The following SLC24A1 variants were observed in gnomAD, a reference collection of about 807,000 sequenced individuals.
SLC24A1 encodes sodium/potassium/calcium exchanger 1.
SLC24A1 carries 52 observed loss-of-function variants against 88.1 expected under a neutral mutation model. The ratio of observed to expected loss-of-function variants is 0.59; its 90% CI spans 0.47 to 0.74. The LOEUF (loss-of-function observed/expected upper bound fraction) is 0.74. Among genes scored for constraint, SLC24A1 ranks in the 30% least tolerant of loss-of-function variants. The pLI is 0.00. For missense variants in SLC24A1, 1,173 were observed against 1,363.3 expected (o/e 0.86, Z 2.20); for synonymous variants, 455 against 498.0 (o/e 0.91, Z 1.15).
chr15:65,630,682 A>T (rs1017200879), intron 2 of SLC24A1, among the ~76,000 whole-genome samples: 2 of 152,156 alleles, frequency 1.3e-5, no homozygotes, highest in African/African-American at 2.4e-5. Flanking sequence ...AATTTTCTTA[A>T]TCTTTTGGCC....
chr15:65,611,362 C>T (rs1020701406), upstream of SLC24A1: 38 of 611,186 alleles, frequency 6.2e-5, no homozygotes, highest in South Asian at 6.8e-4. Context: ...AAATCCCCAA[C>T]TTCTCTCGAG....
chr15:65,633,739 G>A (rs1284050576), intron 2 of SLC24A1, among the ~76,000 whole-genome samples: 5 of 152,132 alleles, frequency 3.3e-5, no homozygotes, highest in African/African-American at 1.2e-4. Flanking sequence ...TTACATATAT[G>A]GCTTGCATTA....
At chr15:65,635,476 A>T (rs938510740) in intron 2 of SLC24A1, among the ~76,000 whole-genome samples, 1 of 148,706 alleles carries the variant, frequency 6.7e-6, no homozygotes, top group African/African-American at 2.5e-5. Flanking sequence ...AAAAAGAAAA[A>T]AAAAGAAAGA....
intron 6 of SLC24A1, among the ~76,000 whole-genome samples, chr15:65,646,551 G>A (rs907004660): frequency 2.9e-5 from 4 of 139,146 alleles, no homozygotes; most frequent in African/African-American, 1.1e-4. Context: ...CTCCAAATCT[G>A]AATGCCCCTG....
At chr15:65,619,275 C>T (rs139613486), upstream of SLC24A1, among the ~76,000 whole-genome samples, 5 of 152,266 alleles carry the variant, frequency 3.3e-5, no homozygotes, top group East Asian at 9.6e-4. Flanking sequence ...CTTAGGCTTG[C>T]TCCTCATCAG....
intron 4 of SLC24A1, among the ~76,000 whole-genome samples, chr15:65,640,690 A>C (rs764378918): frequency 6.6e-6 from 1 of 152,130 alleles, no homozygotes; most frequent in African/African-American, 2.4e-5. Flanking sequence ...CTCAAGGACA[A>C]ATTTTCGGGG....
intron 2 of SLC24A1, among the ~76,000 whole-genome samples, chr15:65,627,453 A>G (rs1380011482): frequency 6.6e-6 from 1 of 152,248 alleles, no homozygotes; most frequent in Non-Finnish European, 1.5e-5. Context: ...AGGGTCATAT[A>G]GCCAGCAGGT....
In SLC24A1 at chr15:65,650,439, G is replaced by T; in HGVS notation, c.2290G>T (p.Ala764Ser). The part of the protein sequence containing the change: ...GEMPGEEGET[A>S]GEGETEEKSG... ...AATGCCAGGCGAAGAGGGCGAAACT[G>T]CTGGTGAAGGTGAAACTGAAGAGAA... Residue 764 changes from alanine to serine, a missense_variant, in exon 7 of 10, where the codon GCT becomes TCT. Transcript: ENST00000261892. The surrounding 1 kb of genome is among the most constrained non-coding windows in gnomAD (Gnocchi z 4.1). The T allele has an allele frequency of 4.5e-6, 7 of 1,551,742 alleles. No homozygotes were observed. Among genetic ancestry groups the T allele is most frequent in the African/African-American group, 1.4e-5 (1 of 73,140 alleles).
At chr15:65,636,206 T>C (rs2074927760) in intron 2 of SLC24A1, among the ~76,000 whole-genome samples, 1 of 152,182 alleles carries the variant, frequency 6.6e-6, no homozygotes, top group South Asian at 2.1e-4. Context: ...TGTGATCCCA[T>C]CACTTTGTGG....
At chr15:65,651,503 C>A (rs1398721703) in intron 7 of SLC24A1, among the ~76,000 whole-genome samples, 167 bp from the exon 8 acceptor site, 5 of 152,166 alleles carry the variant, frequency 3.3e-5, no homozygotes, top group Non-Finnish European at 7.4e-5. Flanking sequence ...CTTTTCCATC[C>A]ATCTCAAGGT....
chr15:65,658,001 A>T (rs1443758824), downstream of SLC24A1: 1 of 152,194 alleles, frequency 6.6e-6, no homozygotes, highest in African/African-American at 2.4e-5. Flanking sequence ...TTGAAAAAAA[A>T]ATATTTAAAT....
intron 4 of SLC24A1, among the ~76,000 whole-genome samples, chr15:65,642,136 G>A (rs967937707): frequency 1.3e-5 from 2 of 152,194 alleles, no homozygotes; most frequent in African/African-American, 4.8e-5. Flanking sequence ...TATGGGAGGG[G>A]TGGGGACCAT....
chr15:65,625,210 CCT>C lies in SLC24A1; in HGVS notation c.1132_1133del (p.Ser378AsnfsTer45), dbSNP rs1566947860. The C allele has an allele frequency of 3.1e-6, 5 of 1,613,950 alleles. No individual in the cohort carries two copies. Among genetic ancestry groups the C allele is most frequent in the Non-Finnish European group, 4.2e-6 (5 of 1,179,890 alleles). On this transcript the variant is annotated frameshift_variant, in exon 2 of 10. Coordinates refer to ENST00000261892, the MANE Select transcript of SLC24A1 (RefSeq NM_004727.3). LOFTEE classifies it high-confidence loss of function. Reference sequence around the variant, plus strand: ...AAGAAACCTTCCACAGCACCCAGCACCTCAACAACCCCTACGGTCAGGGCAAA... The same window carrying C: ...AAGAAACCTTCCACAGCACCCAGCACCAACAACCCCTACGGTCAGGGCAAA...
Position 65,653,945 on chromosome 15 carries a change from A to C in SLC24A1, c.3166A>C (p.Ile1056Leu). The stretch of plus-strand genomic sequence containing the variant: ...GCTTTTTCTCATGCTTCTGTTTGTG[A>C]TCTCTTCAATTGCGTCATGTAAATG... ...VLLFLMLLFV[I>L]SSIASCKWRM... is the part of the protein sequence containing the mutation. The change falls in exon 10 of 10, where the codon ATC (isoleucine) becomes CTC (leucine). Residue 1056 changes from isoleucine to leucine, a missense_variant. Coordinates refer to ENST00000261892, the MANE Select transcript of SLC24A1 (RefSeq NM_004727.3). The C allele has an allele frequency of 6.2e-7, 1 of 1,613,902 alleles. No individual in the cohort carries two copies. The highest frequency in any genetic ancestry group is 8.5e-7 in the Non-Finnish European group (1 of 1,179,876).
intron 8 of SLC24A1, chr15:65,652,242 T>C (rs2075533731): frequency 3.5e-6 from 1 of 288,594 alleles, no homozygotes; most frequent in East Asian, 9.0e-5. Context: ...CTGCTCATAC[T>C]TCACCTCCAG....
downstream of SLC24A1, chr15:65,660,295 A>G (rs1184606901): frequency 3.3e-6 from 5 of 1,535,184 alleles, no homozygotes; most frequent in African/African-American, 1.4e-5. Context: ...AAGCTGTGAA[A>G]TGTTTCAGCA....
intron 6 of SLC24A1, among the ~76,000 whole-genome samples, chr15:65,649,076 G>A (rs143936700): frequency 6.6e-6 from 1 of 152,048 alleles, no homozygotes; most frequent in African/African-American, 2.4e-5. Flanking sequence ...TTCTAATTCA[G>A]TTGGTCCAGG....
At chr15:65,652,155 C>G (rs1211137660) in intron 8 of SLC24A1, 6 of 344,364 alleles carry the variant, frequency 1.7e-5, no homozygotes, top group Non-Finnish European at 3.4e-5. Context: ...TGTTTCTGTT[C>G]TGCCTGGAAT....
chr15:65,614,987 A>G (rs551649732), intron 2 of SLC24A1, among the ~76,000 whole-genome samples: 16 of 152,320 alleles, frequency 1.1e-4, no homozygotes, highest in Middle Eastern at 3.4e-3. Flanking sequence ...AGGCGGAGGC[A>G]GGAGAATCGC....
Sources: gnomAD v4.1 joint callset for allele counts (sites outside exome capture counted in the v4.1 genomes callset) on GRCh38, gnomAD v4.1.1 for gene constraint, Gnocchi (gnomAD v3.1) non-coding constraint, MANE v1.5 for transcripts, NCBI Gene and HGNC (gene_info 2026-07-23, HGNC 2026-07-21) for gene names.